CNTNAP2: variants seen among roughly 807,000 people sequenced by gnomAD.
CNTNAP2 encodes contactin associated protein 2, also known as contactin-associated protein-like 2.
A neutral mutation model predicts 155.2 loss-of-function variants in CNTNAP2; 98 were observed. The ratio of observed to expected loss-of-function variants is 0.63; its 90% CI spans 0.54 to 0.75. The LOEUF is 0.75. Ranked by LOEUF, CNTNAP2 falls within the 30% of genes least tolerant of loss-of-function variation. CNTNAP2 has a pLI of 0.00. For missense variants in CNTNAP2, 1,727 were observed against 1,688.1 expected, an observed-to-expected ratio of 1.02 and a Z score of -0.40; for synonymous variants, 651 against 631.2, an observed-to-expected ratio of 1.03 and a Z score of -0.47.
intron 13 of CNTNAP2, among the ~76,000 whole-genome samples, chr7:147,838,396 T>C (rs1421550468): frequency 3.3e-5 from 5 of 151,410 alleles, no homozygotes; most frequent in African/African-American, 4.8e-5. Flanking sequence ...CCTCAGAAAA[T>C]AGGATTTTTT....
chr7:146,883,763 C>T (rs1238638518), intron 3 of CNTNAP2, among the ~76,000 whole-genome samples: 1 of 152,058 alleles, frequency 6.6e-6, no homozygotes, highest in Non-Finnish European at 1.5e-5. Flanking sequence ...GATCAAAACA[C>T]TATTTTAGTA....
chr7:147,984,111 A>G (rs1293122884), intron 15 of CNTNAP2, among the ~76,000 whole-genome samples: 3 of 152,186 alleles, frequency 2.0e-5, no homozygotes, highest in Admixed American at 2.0e-4. Context: ...AAAATTTGGT[A>G]TCTTATTGCT....
intron 21 of CNTNAP2, among the ~76,000 whole-genome samples, chr7:148,342,642 C>A (rs187225646): frequency 6.6e-6 from 1 of 152,230 alleles, no homozygotes; most frequent in African/African-American, 2.4e-5. Context: ...TTTCTTATTC[C>A]TTTGAAATTG....
At chr7:146,163,585 C>G (rs13232726) in intron 1 of CNTNAP2, among the ~76,000 whole-genome samples, 1 of 91,224 alleles carries the variant, frequency 1.1e-5, no homozygotes, top group Non-Finnish European at 2.5e-5. Context: ...ATCTATCTAT[C>G]TATATATATA....
intron 2 of CNTNAP2, among the ~76,000 whole-genome samples, chr7:146,781,683 C>T (rs1398397139): frequency 1.3e-5 from 2 of 152,192 alleles, no homozygotes; most frequent in Non-Finnish European, 2.9e-5. Context: ...ATTCCTGCTA[C>T]TCCTAGAAAG....
At chr7:147,759,849 A>G (rs1797273151) in intron 13 of CNTNAP2, among the ~76,000 whole-genome samples, 1 of 152,128 alleles carries the variant, frequency 6.6e-6, no homozygotes, top group Admixed American at 6.5e-5. Flanking sequence ...CAACCCCAGG[A>G]GTTCTTCATT....
chr7:146,365,903 A>G (rs1795148210), intron 1 of CNTNAP2, among the ~76,000 whole-genome samples: 1 of 152,212 alleles, frequency 6.6e-6, no homozygotes, highest in South Asian at 2.1e-4. Context: ...AACCAGTGGT[A>G]CTATTCCTAA....
chr7:146,856,463 G>A (rs1045462849), intron 3 of CNTNAP2, among the ~76,000 whole-genome samples: 2 of 152,092 alleles, frequency 1.3e-5, no homozygotes, highest in East Asian at 3.9e-4. Context: ...GTCATCATTT[G>A]CAACCATCAT....
intron 13 of CNTNAP2, among the ~76,000 whole-genome samples, chr7:147,744,418 C>T (rs1252220215): frequency 6.6e-6 from 1 of 152,160 alleles, no homozygotes; most frequent in Non-Finnish European, 1.5e-5. Context: ...AGAAATAGTA[C>T]CATTATTCAA....
At chr7:147,054,459 A>G (rs956505548) in intron 4 of CNTNAP2, among the ~76,000 whole-genome samples, 3 of 152,214 alleles carry the variant, frequency 2.0e-5, no homozygotes, top group East Asian at 1.9e-4. Context: ...ATATATGTTA[A>G]TTTTTATTTA....
intron 15 of CNTNAP2, chr7:148,056,778 T>A (rs1803020176): frequency 6.6e-6 from 1 of 152,284 alleles, no homozygotes; most frequent in East Asian, 1.9e-4. Flanking sequence ...AATATGCTGA[T>A]CTGTTTTGTG....
chr7:146,982,603 G>C (rs1798038892), intron 3 of CNTNAP2, among the ~76,000 whole-genome samples: 1 of 152,176 alleles, frequency 6.6e-6, no homozygotes, highest in African/African-American at 2.4e-5. Flanking sequence ...GCTGTTGTGT[G>C]TCAGACCTCT....
At chr7:147,343,229 A>T (rs1225691220) in intron 9 of CNTNAP2, among the ~76,000 whole-genome samples, 1 of 152,146 alleles carries the variant, frequency 6.6e-6, no homozygotes. Context: ...AGTCGAATAC[A>T]GGTTACCGTG....
At chr7:147,574,909 A>C (rs139233558) in intron 12 of CNTNAP2, among the ~76,000 whole-genome samples, 82 of 152,288 alleles carry the variant, frequency 5.4e-4, no homozygotes, top group Middle Eastern at 3.4e-3. Context: ...AAACAGCCTT[A>C]ATGCAGTTCT....
At chr7:146,463,521 A>G (rs914384141) in intron 1 of CNTNAP2, among the ~76,000 whole-genome samples, 1 of 152,112 alleles carries the variant, frequency 6.6e-6, no homozygotes, top group African/African-American at 2.4e-5. Context: ...TGACAAAGCA[A>G]CTAGATATCA....
chr7:148,355,166 C>CTTTGTTTTTT (rs1798490151), intron 21 of CNTNAP2, among the ~76,000 whole-genome samples: 1 of 41,022 alleles, frequency 2.4e-5, no homozygotes, highest in Non-Finnish European at 4.1e-5. Flanking sequence ...CCGCCAGCTG[C>CTTTGTTTTTT]TTTTTTTTTT....
chr7:146,763,230 C>G (rs916426198), intron 1 of CNTNAP2, among the ~76,000 whole-genome samples: 2 of 152,098 alleles, frequency 1.3e-5, no homozygotes, highest in African/African-American at 4.8e-5. Context: ...CTGCTCCGAG[C>G]CTTTTGACTG....
At chr7:147,486,498 CT>C (rs1439497409) in intron 11 of CNTNAP2, among the ~76,000 whole-genome samples, 1 of 152,008 alleles carries the variant, frequency 6.6e-6, no homozygotes, top group East Asian at 1.9e-4. Flanking sequence ...ATTTGACTAC[CT>C]TTTTTTAGAT....
At chr7:146,138,974 C>T (rs1031943278) in intron 1 of CNTNAP2, among the ~76,000 whole-genome samples, 1 of 152,060 alleles carries the variant, frequency 6.6e-6, no homozygotes, top group East Asian at 1.9e-4. Flanking sequence ...ATAGTTAAGT[C>T]GAAAATGCAT....
Sources: gnomAD v4.1 joint callset for allele counts (sites outside exome capture counted in the v4.1 genomes callset) on GRCh38, gnomAD v4.1.1 for gene constraint, MANE v1.5 for transcripts, NCBI Gene and HGNC (gene_info 2026-07-23, HGNC 2026-07-21) for gene names.